The following FXYD6 variants were observed in gnomAD, a reference collection of about 807,000 sequenced individuals.
FXYD6 encodes the protein FXYD domain containing ion transport regulator 6.
In FXYD6, 7 loss-of-function variants were observed where a neutral mutation model predicts 16.7. That is an observed-to-expected ratio of 0.42 (90% CI 0.24 to 0.79). FXYD6 has a LOEUF of 0.79. Ranked by LOEUF, FXYD6 falls within the 30% of genes least tolerant of loss-of-function variation. The pLI is 0.28. For synonymous variants in FXYD6, 49 were observed against 43.0 expected (o/e 1.14, Z -0.54); for missense variants, 111 against 116.2 (o/e 0.95, Z 0.21).
intron 1 of FXYD6, among the ~76,000 whole-genome samples, chr11:117,865,563 T>C (rs1002092157): frequency 2.6e-5 from 4 of 152,286 alleles, no homozygotes; most frequent in Admixed American, 6.5e-5. Context: ...AACACATGCA[T>C]GAATCTTGTG....
At chr11:117,848,088 T>C (rs1482883221) in intron 1 of FXYD6, among the ~76,000 whole-genome samples, 2 of 152,244 alleles carry the variant, frequency 1.3e-5, no homozygotes, top group Admixed American at 1.3e-4. Flanking sequence ...TCATTGTGGT[T>C]ATTTATATTT....
chr11:117,870,668 C>T lies in FXYD6; in HGVS notation c.-6+5924G>A, dbSNP rs374662710. On this transcript the variant is annotated intron_variant, in intron 1 of 7. Coordinates refer to ENST00000526014, the MANE Select transcript of FXYD6 (RefSeq NM_022003.4). The surrounding 1 kb of genome is among the most constrained non-coding windows in gnomAD (Gnocchi z 4.2). ...TGGCATGAAGATGAACCCTGACCCA[C>T]GGGCCTGGATACCCAGAAATGTGCC... Among the ~76,000 whole-genome samples the T allele has an allele frequency of 3.3e-5, 5 of 152,320 alleles. No individual in the cohort carries two copies. Among genetic ancestry groups the T allele is most frequent in the Non-Finnish European group, 4.4e-5 (3 of 68,032 alleles).
chr11:117,855,617 G>C (rs1479652536), intron 1 of FXYD6, among the ~76,000 whole-genome samples: 4 of 152,206 alleles, frequency 2.6e-5, no homozygotes, highest in Non-Finnish European at 4.4e-5. Context: ...AGGGTAAGAG[G>C]CTGGGTGGTG....
chr11:117,850,318 CTCTTAGAATA>C (rs1242440782), intron 1 of FXYD6, among the ~76,000 whole-genome samples: 2 of 151,608 alleles, frequency 1.3e-5, no homozygotes, highest in East Asian at 3.9e-4. Flanking sequence ...GATAACATGT[CTCTTAGAATA>C]TTCTAACAGA....
rs148235922 is a variant in FXYD6 at position 117,855,029 on chromosome 11, C to T, written c.-5-12248G>A. On this transcript the variant is annotated intron_variant, in intron 1 of 7. Coordinates refer to ENST00000526014, the MANE Select transcript of FXYD6 (RefSeq NM_022003.4). ...AGGAGGGGGCTGTGACAGCAACCTA[C>T]CAAATAGCTGCCATTTCTAGTGTAA... Among the ~76,000 whole-genome samples the T allele has an allele frequency of 6.1e-3, 927 of 152,264 alleles. 8 individuals carry two copies. Among genetic ancestry groups the T allele is most frequent in the African/African-American group, 0.022 (897 of 41,534 alleles).
At chr11:117,856,082 C>G (rs936996027) in intron 1 of FXYD6, among the ~76,000 whole-genome samples, 1 of 152,136 alleles carries the variant, frequency 6.6e-6, no homozygotes, top group African/African-American at 2.4e-5. Flanking sequence ...TGTTAATTTT[C>G]CTCTCTGATC....
intron 1 of FXYD6, among the ~76,000 whole-genome samples, chr11:117,862,487 C>A (rs137979993): frequency 2.2e-4 from 34 of 152,288 alleles, no homozygotes; most frequent in Non-Finnish European, 1.9e-4. Context: ...CAACTCACGC[C>A]CTTCCCTGGC....
intron 7 of FXYD6, chr11:117,838,894 C>T (rs1021164266): frequency 1.9e-5 from 3 of 154,570 alleles, no homozygotes; most frequent in Admixed American, 1.9e-4. Flanking sequence ...ACTTCATCAT[C>T]CAGAAACCTC....
chr11:117,850,668 TA>T (rs1206276583), intron 1 of FXYD6, among the ~76,000 whole-genome samples: 1 of 152,184 alleles, frequency 6.6e-6, no homozygotes, highest in Non-Finnish European at 1.5e-5. Flanking sequence ...TTTTTATTTT[TA>T]TTTTTTTGGG....
chr11:117,875,009 C>T (rs1221999122), intron 1 of FXYD6, among the ~76,000 whole-genome samples: 3 of 152,136 alleles, frequency 2.0e-5, no homozygotes, highest in Non-Finnish European at 4.4e-5. Flanking sequence ...TCCATCTCTT[C>T]CCCTCCACAC....
intron 6 of FXYD6, 127 bp from the exon 7 acceptor site, chr11:117,839,957 C>T: frequency 8.0e-7 from 1 of 1,245,232 alleles, no homozygotes; most frequent in Non-Finnish European, 1.2e-6. Context: ...GATTTCGAGT[C>T]AGAACGATCT....
chr11:117,859,542 C>A (rs920991997), intron 1 of FXYD6, among the ~76,000 whole-genome samples: 1 of 152,174 alleles, frequency 6.6e-6, no homozygotes, highest in Non-Finnish European at 1.5e-5. Flanking sequence ...ACAGGCCAGG[C>A]ACTATTCTTA....
intron 4 of FXYD6, 61 bp from the exon 5 acceptor site, chr11:117,841,245 G>A: frequency 1.9e-6 from 3 of 1,611,554 alleles, no homozygotes; most frequent in Admixed American, 3.3e-5. Context: ...AGGGCCAAGG[G>A]TCTGTGCAGG....
chr11:117,867,210 T>C (rs2057030895), intron 1 of FXYD6, among the ~76,000 whole-genome samples: 1 of 152,230 alleles, frequency 6.6e-6, no homozygotes, highest in Non-Finnish European at 1.5e-5. Flanking sequence ...CAAATATTTA[T>C]TGATGGCCTA....
chr11:117,839,907 T>A (rs1050541964), intron 6 of FXYD6, 77 bp from the exon 7 acceptor site: 1 of 1,579,332 alleles, frequency 6.3e-7, no homozygotes, highest in Admixed American at 1.7e-5. Flanking sequence ...CAGCCGTGTC[T>A]CTGCCTGACT....
chr11:117,850,762 G>A lies in FXYD6; in HGVS notation c.-5-7981C>T, dbSNP rs561190131. Among the ~76,000 whole-genome samples, 328 of 151,302 alleles carry A rather than the reference G, an allele frequency of 2.2e-3. 8 individuals carry two copies. In the South Asian group the frequency reaches 0.063, roughly 29 times the overall value. On this transcript the variant is annotated intron_variant, in intron 1 of 7. Transcript: ENST00000526014. ...CCTGCCTTGGCCTCCCAAAGTGCTG[G>A]GATTATAGGCATGAGCCACTGCCCC...
In FXYD6 at chr11:117,870,375, C is replaced by T. The variant is rs79642821; in HGVS notation, c.-6+6217G>A. Among the ~76,000 whole-genome samples the T allele has an allele frequency of 4.1e-3, 618 of 152,316 alleles. 4 individuals carry two copies. Among genetic ancestry groups the T allele is most frequent in the African/African-American group, 0.014 (593 of 41,570 alleles). Reference sequence around the variant, plus strand: ...TGATGGAGTCAGGCCAGGATGGGATCACCTCCCCCACACACCTGCTGACAA... The same window carrying T: ...TGATGGAGTCAGGCCAGGATGGGATTACCTCCCCCACACACCTGCTGACAA... On this transcript the variant is annotated intron_variant, in intron 1 of 7. Coordinates refer to ENST00000526014, the MANE Select transcript of FXYD6 (RefSeq NM_022003.4). This position sits in a 1 kb window ranked among gnomAD's most constrained non-coding sequence, Gnocchi z 4.2.
At position 117,858,725 on chromosome 11, in the gene FXYD6, CTTCCTTCCTTCCT is replaced by C. The variant is rs2056824532; in HGVS notation, c.-5-15957_-5-15945del. On this transcript the variant is annotated intron_variant, in intron 1 of 7. Coordinates refer to ENST00000526014, the MANE Select transcript of FXYD6 (RefSeq NM_022003.4). ...TTTCTCTCTCTCTCTCCTTCCTTCC[CTTCCTTCCTTCCT>C]TCCTTCCTTCCTTCCTTCCTTCCTT... is the stretch of plus-strand genomic sequence containing the variant. 4.3e-5 allele frequency among the ~76,000 whole-genome samples: 2 copies of C among 47,024 alleles called. 1 individual carries two copies. Among genetic ancestry groups the C allele is most frequent in the South Asian group, 2.2e-3 (2 of 922 alleles). 30.8% of individuals were successfully genotyped at this position (47,024 alleles called of 152,430 possible).
chr11:117,875,573 G>C (rs949958344), intron 1 of FXYD6, among the ~76,000 whole-genome samples: 5 of 152,172 alleles, frequency 3.3e-5, no homozygotes, highest in Admixed American at 1.3e-4. Context: ...AGGGTGGCTG[G>C]ATCCCCAAAG....
Sources: allele counts gnomAD v4.1 joint callset (sites outside exome capture counted in the v4.1 genomes callset), GRCh38; gene constraint gnomAD v4.1.1; non-coding constraint Gnocchi (gnomAD v3.1); transcripts MANE v1.5; gene names NCBI Gene and HGNC (gene_info 2026-07-23, HGNC 2026-07-21).